RASSF3: variants seen among roughly 807,000 people sequenced by gnomAD.
RASSF3 encodes Ras association domain family member 3.
A neutral mutation model predicts 19.9 loss-of-function variants in RASSF3; 19 were observed. The ratio of observed to expected loss-of-function variants is 0.96; its 90% confidence interval spans 0.67 to 1.40. RASSF3 has a LOEUF of 1.40. Ranked by LOEUF, RASSF3 falls within the 40% of genes most tolerant of loss-of-function variation. RASSF3 has a pLI of 0.00. For synonymous variants in RASSF3, 110 were observed against 104.2 expected (o/e 1.06, Z -0.34); for missense variants, 306 against 289.8 (o/e 1.06, Z -0.41).
intron 1 of RASSF3, among the ~76,000 whole-genome samples, chr12:64,667,867 C>G (rs1872576707): frequency 6.6e-6 from 1 of 152,216 alleles, no homozygotes; most frequent in African/African-American, 2.4e-5. Flanking sequence ...TGCATGCTCA[C>G]TCCCTTCTTC....
intron 1 of RASSF3, among the ~76,000 whole-genome samples, chr12:64,682,999 G>C (rs1228855595): frequency 6.6e-6 from 1 of 152,204 alleles, no homozygotes; most frequent in Non-Finnish European, 1.5e-5. Context: ...GATTAAAGTG[G>C]AACTTGGTCT....
intron 2 of RASSF3, among the ~76,000 whole-genome samples, chr12:64,570,551 G>A (rs1869501313): frequency 6.6e-6 from 1 of 152,102 alleles, no homozygotes; most frequent in Non-Finnish European, 1.5e-5. Context: ...TTTCATACTA[G>A]CCTCCTTCTT....
intron 1 of RASSF3, among the ~76,000 whole-genome samples, chr12:64,638,665 G>T (rs187292804): frequency 7.2e-4 from 109 of 151,860 alleles, no homozygotes; most frequent in Non-Finnish European, 1.4e-3. Flanking sequence ...GAAGCCCTTG[G>T]GTCTCAATTG....
chr12:64,552,322 G>A (rs1258716145), intron 2 of RASSF3, among the ~76,000 whole-genome samples: 2 of 151,934 alleles, frequency 1.3e-5, no homozygotes, highest in African/African-American at 4.8e-5. Context: ...TTTATTTTTA[G>A]TTCTGGGGTA....
chr12:64,564,769 A>G (rs1357153019), intron 2 of RASSF3, among the ~76,000 whole-genome samples: 8 of 126,860 alleles, frequency 6.3e-5, no homozygotes, highest in Non-Finnish European at 1.1e-4. Context: ...AACACTTTTT[A>G]GGTGTTTTTT....
At chr12:64,680,671 T>C (rs965558587) in intron 1 of RASSF3, among the ~76,000 whole-genome samples, 2 of 152,034 alleles carry the variant, frequency 1.3e-5, no homozygotes, top group Non-Finnish European at 2.9e-5. Flanking sequence ...TGGAGTGCAA[T>C]GGCGTGATCT....
chr12:64,543,200 C>T (rs1443414047), downstream of RASSF3, among the ~76,000 whole-genome samples: 8 of 103,738 alleles, frequency 7.7e-5, no homozygotes, highest in Non-Finnish European at 1.1e-4. Flanking sequence ...GGGCCCCGCA[C>T]TTGGAGTGGC....
At chr12:64,685,541 T>C (rs189690027) in intron 2 of RASSF3, among the ~76,000 whole-genome samples, 24 of 152,270 alleles carry the variant, frequency 1.6e-4, no homozygotes, top group African/African-American at 5.1e-4. Context: ...AGCCCCTAAG[T>C]TTTTGTCTTG....
intron 2 of RASSF3, among the ~76,000 whole-genome samples, chr12:64,569,019 C>T (rs867432604): frequency 1.3e-5 from 2 of 152,202 alleles, no homozygotes; most frequent in South Asian, 4.1e-4. Flanking sequence ...CATGAGTTCA[C>T]TTTTAATTGC....
intron 1 of RASSF3, among the ~76,000 whole-genome samples, chr12:64,661,461 C>A (rs1003473797): frequency 6.6e-6 from 1 of 151,778 alleles, no homozygotes; most frequent in Non-Finnish European, 1.5e-5. Context: ...CCAGCTTGGG[C>A]GACAAAGTGA....
At position 64,581,272 on chromosome 12, in the gene RASSF3, T is replaced by C. The variant is rs1869691405; in HGVS notation, c.294+39567T>C. Among the ~76,000 whole-genome samples the C allele has an allele frequency of 2.0e-5, 3 of 152,344 alleles. No individual in the cohort carries two copies. The South Asian group carries it at 6.2e-4, about 32-fold the overall frequency. ...TGTAGATTCCCCAGGGTTTGGACAA[T>C]TCTGACTGTTGGCAGGGCTATCAGA... On this transcript the variant is annotated intron_variant, in intron 2 of 5. Coordinates refer to the RASSF3 transcript ENST00000637125.
intron 2 of RASSF3, among the ~76,000 whole-genome samples, chr12:64,598,346 G>A (rs550305920): frequency 3.3e-5 from 5 of 152,074 alleles, no homozygotes; most frequent in South Asian, 2.1e-4. Flanking sequence ...TATTTTTTTC[G>A]TTAACTAGTT....
chr12:64,600,117 T>C (rs1351181286), intron 2 of RASSF3, among the ~76,000 whole-genome samples: 1 of 151,760 alleles, frequency 6.6e-6, no homozygotes, highest in Non-Finnish European at 1.5e-5. Flanking sequence ...CTTTTTTCCT[T>C]ATCTGAGGGG....
At chr12:64,528,807 T>C (rs541163033), upstream of RASSF3, among the ~76,000 whole-genome samples, 21 of 152,258 alleles carry the variant, frequency 1.4e-4, no homozygotes, top group South Asian at 4.4e-3. Flanking sequence ...CCCGCAGCTG[T>C]GACTCGCAGT....
chr12:64,560,052 G>A lies in RASSF3; in HGVS notation c.294+18347G>A, dbSNP rs567387600. Among the ~76,000 whole-genome samples, 9 of 152,306 alleles carry A rather than the reference G, an allele frequency of 5.9e-5. No homozygotes were observed. The East Asian group carries it at 1.7e-3, about 29-fold the overall frequency. ...GCCACAACCTCCCACCAGGTCTCCTGAAGCCAGCCTTTGAAAGTGGTAGTT... is the reference window on the plus strand; with the variant it reads ...GCCACAACCTCCCACCAGGTCTCCTAAAGCCAGCCTTTGAAAGTGGTAGTT... On this transcript the variant is annotated intron_variant, in intron 2 of 5. Transcript: ENST00000637125.
intron 2 of RASSF3, among the ~76,000 whole-genome samples, chr12:64,579,653 C>A (rs1357852285): frequency 6.6e-6 from 1 of 151,860 alleles, no homozygotes. Context: ...GCCCGGCCAG[C>A]AATAGCCAAA....
At chr12:64,638,453 G>A (rs1035429046) in intron 1 of RASSF3, among the ~76,000 whole-genome samples, 8 of 151,950 alleles carry the variant, frequency 5.3e-5, no homozygotes, top group Non-Finnish European at 7.4e-5. Context: ...GGTGGCGGGC[G>A]CCTGTAGTCC....
chr12:64,565,754 G>A (rs1020681086), intron 2 of RASSF3, among the ~76,000 whole-genome samples: 14 of 152,100 alleles, frequency 9.2e-5, no homozygotes, highest in African/African-American at 3.1e-4. Context: ...GTGGTGGCAT[G>A]AGCCTATAAT....
chr12:64,538,275 G>A (rs973709749), intron 1 of RASSF3, among the ~76,000 whole-genome samples: 1 of 152,202 alleles, frequency 6.6e-6, no homozygotes, highest in Non-Finnish European at 1.5e-5. Flanking sequence ...TTGCAGGCAT[G>A]AGCCGCTGTG....
Sources: allele counts gnomAD v4.1 joint callset (sites outside exome capture counted in the v4.1 genomes callset), GRCh38; gene constraint gnomAD v4.1.1; transcripts MANE v1.5; gene names NCBI Gene and HGNC (gene_info 2026-07-23, HGNC 2026-07-21).